The following NCOA1 variants were observed in gnomAD, a reference collection of about 807,000 sequenced individuals.
The protein encoded by NCOA1 is Hin-2 protein.
In NCOA1, 35 loss-of-function variants were observed where a neutral mutation model predicts 150.9. That is an observed-to-expected ratio of 0.23 (90% CI 0.18 to 0.31). The LOEUF (loss-of-function observed/expected upper bound fraction) is 0.31, where lower values mean the gene tolerates loss of function less well. NCOA1 is among the 10% of genes least tolerant of loss of function. The probability of loss-of-function intolerance (pLI) is 1.00; values close to 1 mark genes in which losing one functional copy is unlikely to be tolerated. For missense variants in NCOA1, 1,491 were observed against 1,749.3 expected, an observed-to-expected ratio of 0.85 and a Z score of 2.63; for synonymous variants, 590 against 630.0, an observed-to-expected ratio of 0.94 and a Z score of 0.95.
chr2:24,643,499 C>G (rs576948500), intron 3 of NCOA1, among the ~76,000 whole-genome samples: 1 of 152,252 alleles, frequency 6.6e-6, no homozygotes, highest in South Asian at 2.1e-4. Flanking sequence ...CAGAGCTCAA[C>G]TAACATCTTT....
chr2:24,513,708 A>G (rs752586860), intron 1 of NCOA1, among the ~76,000 whole-genome samples: 4 of 152,214 alleles, frequency 2.6e-5, no homozygotes, highest in Non-Finnish European at 5.9e-5. Flanking sequence ...AATAAAATAT[A>G]CCAATTTAAA....
chr2:24,528,584 C>G (rs1265620869), intron 1 of NCOA1, among the ~76,000 whole-genome samples: 2 of 151,596 alleles, frequency 1.3e-5, no homozygotes, highest in Non-Finnish European at 2.9e-5. Context: ...CTGAGCTCAA[C>G]CGACCCACCC....
At position 24,758,074 on chromosome 2, in the gene NCOA1, T is replaced by A. The variant is rs1205635259; in HGVS notation, c.3983T>A (p.Val1328Asp). Reference sequence around the variant, plus strand: ...TCCATGGCAGGTGGAAATACGAATGTTCAGAACATGAACCCAATGATGGCC... The same window carrying A: ...TCCATGGCAGGTGGAAATACGAATGATCAGAACATGAACCCAATGATGGCC... Reference protein sequence around the residue: ...TVSMAGGNTNVQNMNPMMAQM... With the variant: ...TVSMAGGNTNDQNMNPMMAQM... Residue 1328 changes from valine (V) to aspartate (D), a missense_variant, in exon 21 of 23, where the codon GTT (valine) becomes GAT (aspartate). Physicochemically the swap from Val to Asp is radical, Grantham distance 152. Transcript: ENST00000348332. 1.9e-6 allele frequency: 3 copies of A among 1,613,932 alleles called. No individual in the cohort carries two copies. In the South Asian group the frequency reaches 3.3e-5, roughly 18 times the overall value.
intron 7 of NCOA1, 116 bp from the exon 8 acceptor site, chr2:24,682,835 G>A: frequency 3.7e-6 from 3 of 803,824 alleles, no homozygotes; most frequent in Non-Finnish European, 5.6e-6. Flanking sequence ...TTTCCTTGAG[G>A]ACAGAGACCA....
At chr2:24,547,988 C>CAAAAAAAAAAAAA (rs34669959) in intron 1 of NCOA1, among the ~76,000 whole-genome samples, 1 of 74,916 alleles carries the variant, frequency 1.3e-5, no homozygotes. Context: ...GACTCTGTCT[C>CAAAAAAAAAAAAA]AAAAAAAAAA....
chr2:24,499,514 T>C (rs977275794), intron 1 of NCOA1, among the ~76,000 whole-genome samples: 2 of 152,224 alleles, frequency 1.3e-5, no homozygotes, highest in Non-Finnish European at 2.9e-5. Flanking sequence ...TTTTATCTTC[T>C]ATTTCATACC....
intron 18 of NCOA1, among the ~76,000 whole-genome samples, chr2:24,741,057 C>A (rs139957239): frequency 4.6e-4 from 70 of 152,116 alleles, no homozygotes; most frequent in African/African-American, 1.5e-3. Context: ...CCATTTATTT[C>A]TTTTTACTAT....
chr2:24,534,144 A>G (rs914640854), intron 1 of NCOA1, among the ~76,000 whole-genome samples: 2 of 152,124 alleles, frequency 1.3e-5, no homozygotes, highest in Non-Finnish European at 2.9e-5. Context: ...CTATTCAGAG[A>G]TTCAACTTCT....
intron 3 of NCOA1, among the ~76,000 whole-genome samples, chr2:24,587,834 G>A (rs1667480540): frequency 6.6e-6 from 1 of 152,182 alleles, no homozygotes; most frequent in Admixed American, 6.5e-5. Context: ...CAGGTAAAAT[G>A]TAGATTCCTG....
In NCOA1 at chr2:24,768,516, C is replaced by CAAAAA. The variant is rs772970404; in HGVS notation, c.*146_*150dup. Reference sequence around the variant, plus strand: ...ATTCTTCAGGTCGTAGCATTTGGAGCAAAAAAAAAAAAAAAAAAAAAAAAA... The same window carrying CAAAAA: ...ATTCTTCAGGTCGTAGCATTTGGAGCAAAAAAAAAAAAAAAAAAAAAAAAAAAAAA... On this transcript the variant is annotated 3_prime_UTR_variant, in exon 23 of 23. Coordinates refer to ENST00000348332, the MANE Select transcript of NCOA1 (RefSeq NM_003743.5). The CAAAAA allele has an allele frequency of 3.1e-4, 17 of 55,206 alleles. No individual in the cohort carries two copies. Among genetic ancestry groups the CAAAAA allele is most frequent in the East Asian group, 1.1e-3 (4 of 3,644 alleles). 3.4% of individuals were successfully genotyped at this position (55,206 alleles called of 1,614,324 possible).
intron 3 of NCOA1, among the ~76,000 whole-genome samples, chr2:24,626,350 CG>C (rs1669408786): frequency 2.6e-5 from 4 of 152,218 alleles, no homozygotes; most frequent in Admixed American, 2.0e-4. Context: ...AGGAGTTAGA[CG>C]TGCTGCTAAA....
intron 1 of NCOA1, chr2:24,554,450 G>GAGAGAAGTCCCCGA (rs1251655055): frequency 1.3e-5 from 2 of 152,142 alleles, no homozygotes; most frequent in African/African-American, 4.8e-5. Flanking sequence ...TAATGAGAGA[G>GAGAGAAGTCCCCGA]AGGGGACTTC....
chr2:24,717,905 CTTT>C (rs34785770), intron 14 of NCOA1, among the ~76,000 whole-genome samples: 2 of 138,052 alleles, frequency 1.4e-5, no homozygotes. Flanking sequence ...TGGTTAATAT[CTTT>C]TTTTTTTTTT....
intron 6 of NCOA1, among the ~76,000 whole-genome samples, chr2:24,668,688 T>C (rs1401974714): frequency 6.6e-6 from 1 of 152,010 alleles, no homozygotes; most frequent in Non-Finnish European, 1.5e-5. Context: ...CATGGAATCT[T>C]AACACAAAGA....
At chr2:24,522,183 C>T (rs1230834263) in intron 1 of NCOA1, among the ~76,000 whole-genome samples, 1 of 152,176 alleles carries the variant, frequency 6.6e-6, no homozygotes, top group African/African-American at 2.4e-5. Context: ...CTCATTTTCT[C>T]TTAATCACTC....
chr2:24,574,448 G>T (rs1572437192), intron 2 of NCOA1, among the ~76,000 whole-genome samples: 1 of 152,134 alleles, frequency 6.6e-6, no homozygotes. Flanking sequence ...ATGGTTCAGT[G>T]CAGTAAAACT....
intron 6 of NCOA1, among the ~76,000 whole-genome samples, chr2:24,672,951 AATC>A (rs1671750522): frequency 6.6e-6 from 1 of 152,218 alleles, no homozygotes; most frequent in South Asian, 2.1e-4. Flanking sequence ...CAAAAGGAAA[AATC>A]ATATTTTCAT....
At chr2:24,652,672 A>G (rs1468291481) in intron 4 of NCOA1, among the ~76,000 whole-genome samples, 1 of 152,146 alleles carries the variant, frequency 6.6e-6, no homozygotes, top group Non-Finnish European at 1.5e-5. Context: ...TTAGTCTGGT[A>G]CATTTGAACA....
intron 1 of NCOA1, among the ~76,000 whole-genome samples, chr2:24,512,037 C>T (rs954800138): frequency 3.9e-5 from 6 of 152,142 alleles, no homozygotes; most frequent in Non-Finnish European, 8.8e-5. Flanking sequence ...TCACCCTCGA[C>T]TCCCTGCTAA....
Sources: allele counts gnomAD v4.1 joint callset (sites outside exome capture counted in the v4.1 genomes callset), GRCh38; gene constraint gnomAD v4.1.1; transcripts MANE v1.5; gene names NCBI Gene and HGNC (gene_info 2026-07-23, HGNC 2026-07-21).